Variants in ALPK1 observed in about 807,000 individuals in gnomAD.
ALPK1 encodes alpha-protein kinase 1.
In ALPK1, 110 loss-of-function variants were observed where a neutral mutation model predicts 120.6. The ratio of observed to expected loss-of-function variants is 0.91; its 90% confidence interval spans 0.78 to 1.07. The LOEUF (loss-of-function observed/expected upper bound fraction) is 1.07, where lower values mean the gene tolerates loss of function less well. Ranked by LOEUF, ALPK1 falls within the 50% of genes least tolerant of loss-of-function variation. The pLI is 0.00. For missense variants in ALPK1, 1,498 were observed against 1,483.9 expected (o/e 1.01, Z -0.16); for synonymous variants, 582 against 560.3 (o/e 1.04, Z -0.55).
chr4:112,433,742 T>C (rs76020326), intron 11 of ALPK1, among the ~76,000 whole-genome samples: 1 of 152,008 alleles, frequency 6.6e-6, no homozygotes, highest in African/African-American at 2.4e-5. Context: ...ACAAAAAGAT[T>C]GTGAAGCACT....
At chr4:112,326,833 A>G (rs756242916) in intron 2 of ALPK1, among the ~76,000 whole-genome samples, 4 of 152,202 alleles carry the variant, frequency 2.6e-5, no homozygotes, top group Non-Finnish European at 5.9e-5. Flanking sequence ...GAGGACTCCA[A>G]ATGAATAGAG....
intron 4 of ALPK1, among the ~76,000 whole-genome samples, chr4:112,401,541 GT>G (rs1179593835): frequency 6.6e-6 from 1 of 152,168 alleles, no homozygotes; most frequent in Admixed American, 6.5e-5. Context: ...AGAGAAGAAG[GT>G]CATGGGCAAG....
In ALPK1 at chr4:112,427,634, A is replaced by C. The variant is rs757233009; in HGVS notation, c.764A>C (p.Glu255Ala). 6 of 1,613,774 alleles carry C rather than the reference A, an allele frequency of 3.7e-6. No homozygotes were observed. Among genetic ancestry groups the C allele is most frequent in the Non-Finnish European group, 5.1e-6 (6 of 1,179,788 alleles). Reference sequence around the variant, plus strand: ...GTTTCCATGAGCAAGAACGATTATGAAAAGTTTAAAAACAATCCACAAATT... The same window carrying C: ...GTTTCCATGAGCAAGAACGATTATGCAAAGTTTAAAAACAATCCACAAATT... ...IFVSMSKNDY[E>A]KFKNNPQINL... The change falls in exon 9 of 16, where the codon GAA (glutamate) becomes GCA (alanine). Residue 255 changes from glutamate (E) to alanine (A), a missense_variant. Transcript: ENST00000650871.
intron 1 of ALPK1, among the ~76,000 whole-genome samples, chr4:112,313,605 C>T (rs1000943425): frequency 2.0e-5 from 3 of 152,158 alleles, no homozygotes; most frequent in Admixed American, 6.5e-5. Flanking sequence ...TGCCTGTAAT[C>T]CCAGCTACTT....
intron 2 of ALPK1, among the ~76,000 whole-genome samples, chr4:112,364,543 C>A (rs896148917): frequency 6.6e-6 from 1 of 152,054 alleles, no homozygotes; most frequent in Non-Finnish European, 1.5e-5. Flanking sequence ...AGACCAATAA[C>A]AAGCAGTGAG....
At chr4:112,334,739 T>C (rs1012139383) in intron 2 of ALPK1, among the ~76,000 whole-genome samples, 3 of 152,132 alleles carry the variant, frequency 2.0e-5, no homozygotes, top group African/African-American at 7.2e-5. Flanking sequence ...ACTCAGAGGC[T>C]CTTCTAATGT....
intron 2 of ALPK1, among the ~76,000 whole-genome samples, chr4:112,361,979 A>C (rs1045558264): frequency 6.6e-6 from 1 of 152,234 alleles, no homozygotes; most frequent in Non-Finnish European, 1.5e-5. Context: ...CTAAATCAAG[A>C]AGAGCAATAA....
intron 4 of ALPK1, among the ~76,000 whole-genome samples, chr4:112,409,178 C>G (rs1733334243): frequency 6.6e-6 from 1 of 152,128 alleles, no homozygotes; most frequent in Admixed American, 6.5e-5. Context: ...GTCAGGTTAT[C>G]AGGTAGCTAC....
intron 2 of ALPK1, chr4:112,356,970 A>AG: frequency 2.6e-6 from 2 of 767,760 alleles, no homozygotes; most frequent in Non-Finnish European, 4.8e-6. Flanking sequence ...GTCATAGACC[A>AG]GGTGCTGGAG....
intron 4 of ALPK1, among the ~76,000 whole-genome samples, chr4:112,387,115 G>A (rs886098767): frequency 2.0e-5 from 3 of 152,218 alleles, no homozygotes; most frequent in African/African-American, 7.2e-5. Flanking sequence ...TGGCGGTGGA[G>A]TGCTAGCTAG....
At chr4:112,435,550 G>A (rs1204513770) in intron 12 of ALPK1, among the ~76,000 whole-genome samples, 2 of 152,136 alleles carry the variant, frequency 1.3e-5, no homozygotes, top group Admixed American at 6.5e-5. Flanking sequence ...GGAAACATTG[G>A]CCATACTGTA....
chr4:112,418,732 A>G (rs915744354), intron 5 of ALPK1, among the ~76,000 whole-genome samples: 2 of 110,084 alleles, frequency 1.8e-5, no homozygotes, highest in Admixed American at 9.2e-5. Flanking sequence ...CTGAAAGATG[A>G]TAAGTTGGAG....
chr4:112,318,941 C>T (rs765293165), intron 2 of ALPK1, among the ~76,000 whole-genome samples: 107 of 152,194 alleles, frequency 7.0e-4, no homozygotes, highest in Non-Finnish European at 2.6e-4. Context: ...TAGTGCTGAG[C>T]GTGGCAACTT....
intron 2 of ALPK1, among the ~76,000 whole-genome samples, chr4:112,374,911 T>G (rs1043201157): frequency 6.6e-6 from 1 of 152,256 alleles, no homozygotes; most frequent in Non-Finnish European, 1.5e-5. Context: ...GTGCCACTTA[T>G]AGAGCACAGG....
At chr4:112,435,976 CA>C (rs1386452636) in intron 12 of ALPK1, among the ~76,000 whole-genome samples, 2 of 152,174 alleles carry the variant, frequency 1.3e-5, no homozygotes, top group African/African-American at 4.8e-5. Context: ...AAATTTTAAA[CA>C]AAAACTCACC....
At chr4:112,376,576 C>A (rs777438290) in intron 2 of ALPK1, among the ~76,000 whole-genome samples, 12 of 152,202 alleles carry the variant, frequency 7.9e-5, no homozygotes, top group Non-Finnish European at 1.6e-4. Context: ...ATTTCAAATT[C>A]AAAACCAACT....
At chr4:112,367,749 A>G (rs1337970882) in intron 2 of ALPK1, among the ~76,000 whole-genome samples, 1 of 152,208 alleles carries the variant, frequency 6.6e-6, no homozygotes. Flanking sequence ...TAAGACTCTG[A>G]TTAGACATAT....
chr4:112,329,605 A>T (rs1352525347), intron 2 of ALPK1, among the ~76,000 whole-genome samples: 1 of 152,220 alleles, frequency 6.6e-6, no homozygotes, highest in Admixed American at 6.5e-5. Flanking sequence ...AAATTATAAG[A>T]TGTTATCTAA....
At chr4:112,358,425 C>A in intron 2 of ALPK1, 1 of 644,386 alleles carries the variant, frequency 1.6e-6, no homozygotes, top group South Asian at 1.7e-5. Flanking sequence ...GTGACTAAGT[C>A]AACTGGCCCC....
Sources: gnomAD v4.1 joint callset for allele counts (sites outside exome capture counted in the v4.1 genomes callset) on GRCh38, gnomAD v4.1.1 for gene constraint, MANE v1.5 for transcripts, NCBI Gene and HGNC (gene_info 2026-07-23, HGNC 2026-07-21) for gene names.